The following TNRC6B variants were observed in gnomAD, a reference collection of about 807,000 sequenced individuals.
The protein encoded by TNRC6B is trinucleotide repeat containing adaptor 6B, also known as trinucleotide repeat-containing gene 6B protein.
In TNRC6B, 52 loss-of-function variants were observed where a neutral mutation model predicts 203.6. That is an observed-to-expected ratio of 0.26 (90% confidence interval 0.20 to 0.32). The LOEUF (loss-of-function observed/expected upper bound fraction) is 0.32. TNRC6B is among the 10% of genes least tolerant of loss of function. The pLI is 1.00. For synonymous variants in TNRC6B, 838 were observed against 845.7 expected, an observed-to-expected ratio of 0.99 and a Z score of 0.16; for missense variants, 1,923 against 2,286.2, an observed-to-expected ratio of 0.84 and a Z score of 3.24.
At chr22:40,161,143 G>A (rs534319179) in intron 4 of TNRC6B, among the ~76,000 whole-genome samples, 3 of 152,174 alleles carry the variant, frequency 2.0e-5, no homozygotes, top group Admixed American at 2.0e-4. Context: ...AGCAAAATCA[G>A]CCTTTCTGGC....
chr22:40,197,210 A>G (rs892457138), intron 1 of TNRC6B, among the ~76,000 whole-genome samples: 2 of 152,106 alleles, frequency 1.3e-5, no homozygotes, highest in African/African-American at 4.8e-5. Context: ...CAACAGGAGA[A>G]TGAGACTGTG....
At chr22:40,264,636 T>TGAATTGA (rs1266550096) in intron 4 of TNRC6B, 52 bp from the exon 5 acceptor site, 1 of 1,521,982 alleles carries the variant, frequency 6.6e-7, no homozygotes, top group Non-Finnish European at 8.8e-7. Flanking sequence ...GAGGGATTAA[T>TGAATTGA]GGGTAATGAA....
chr22:40,225,962 G>A (rs1280690829), intron 1 of TNRC6B, among the ~76,000 whole-genome samples: 1 of 152,124 alleles, frequency 6.6e-6, no homozygotes, highest in African/African-American at 2.4e-5. Context: ...TTAAACACAG[G>A]TAAATGTTGG....
chr22:40,171,847 A>G (rs569750248), intron 4 of TNRC6B, among the ~76,000 whole-genome samples: 1 of 151,946 alleles, frequency 6.6e-6, no homozygotes, highest in Non-Finnish European at 1.5e-5. Flanking sequence ...TTGACCACTC[A>G]AACATTTGCT....
At chr22:40,165,071 C>T (rs1190689355) in intron 4 of TNRC6B, among the ~76,000 whole-genome samples, 5 of 150,628 alleles carry the variant, frequency 3.3e-5, no homozygotes, top group Admixed American at 6.6e-5. Flanking sequence ...TGTGAGCCAC[C>T]GCACCCACCC....
At position 40,266,322 on chromosome 22, in the gene TNRC6B, T is replaced by G; in HGVS notation, c.2092T>G (p.Trp698Gly). 3 of 1,601,300 alleles carry G rather than the reference T, an allele frequency of 1.9e-6. No individual in the cohort carries two copies. Among genetic ancestry groups the G allele is most frequent in the Middle Eastern group, 3.3e-4 (2 of 6,046 alleles). Reference protein sequence around the residue: ...EWKDPKNTGGWNDYKNNNSSN... With the variant: ...EWKDPKNTGGGNDYKNNNSSN... ...GAAAGACCCCAAGAACACAGGAGGCTGGAATGACTACAAGAACAACAACTC... is the reference window on the plus strand; with the variant it reads ...GAAAGACCCCAAGAACACAGGAGGCGGGAATGACTACAAGAACAACAACTC... The change falls in exon 5 of 23, where the codon TGG (tryptophan) becomes GGG (glycine). Residue 698 changes from tryptophan to glycine, a missense_variant. By Grantham distance (184) the Trp-to-Gly change is radical. Coordinates refer to ENST00000454349, the MANE Select transcript of TNRC6B (RefSeq NM_001162501.2).
At chr22:40,314,177 A>G (rs983838246) in intron 19 of TNRC6B, among the ~76,000 whole-genome samples, 2 of 152,104 alleles carry the variant, frequency 1.3e-5, no homozygotes, top group Non-Finnish European at 2.9e-5. Flanking sequence ...AACTGAACCT[A>G]TACTTCCCCA....
chr22:40,178,164 T>G, intron 1 of TNRC6B, 24 bp downstream of exon 1: 4 of 1,613,348 alleles, frequency 2.5e-6, no homozygotes, highest in South Asian at 1.1e-5. Context: ...TTCAATTTTT[T>G]TTAACCAATT....
chr22:40,137,705 C>A (rs762429578), intron 3 of TNRC6B, among the ~76,000 whole-genome samples: 1 of 152,098 alleles, frequency 6.6e-6, no homozygotes, highest in Non-Finnish European at 1.5e-5. Flanking sequence ...ATGGACCTGC[C>A]GGGCCTGGTG....
At chr22:40,192,355 T>A (rs1456932993) in intron 1 of TNRC6B, among the ~76,000 whole-genome samples, 1 of 152,156 alleles carries the variant, frequency 6.6e-6, no homozygotes, top group Admixed American at 6.5e-5. Flanking sequence ...TGGTGGTTCA[T>A]GCCTGTAATC....
At chr22:40,316,835 A>G (rs915446461) in intron 21 of TNRC6B, among the ~76,000 whole-genome samples, 6 of 152,182 alleles carry the variant, frequency 3.9e-5, no homozygotes, top group African/African-American at 1.4e-4. Flanking sequence ...TACAAAAGTG[A>G]AAGTTAGTTT....
At chr22:40,125,721 AT>A (rs1330243065) in intron 2 of TNRC6B, 12 of 1,430,626 alleles carry the variant, frequency 8.4e-6, no homozygotes, top group Admixed American at 2.8e-5. Flanking sequence ...TGAAAAAAAA[AT>A]TTTTTTGCCC....
rs774878741 is a variant in TNRC6B, at chr22:40,277,060, G to A, written c.3142-17G>A. On this transcript the variant is annotated splice_polypyrimidine_tract_variant and intron_variant, in intron 7 of 22. Transcript: ENST00000454349. ...ATAAATTATTTGGTTCTGAGGTTCC[G>A]TGTTTCATTTCTGTAGTGCTCACTC... 16 of 1,560,882 alleles carry A rather than the reference G, an allele frequency of 1.0e-5. No homozygotes were observed. The Admixed American group carries it at 2.2e-4, about 21-fold the overall frequency.
chr22:40,226,322 A>AT lies in TNRC6B; in HGVS notation c.6-19686dup, dbSNP rs1159808683. On this transcript the variant is annotated intron_variant, in intron 1 of 22. Coordinates refer to ENST00000454349, the MANE Select transcript of TNRC6B (RefSeq NM_001162501.2). ...TCAGAGTTGATTTTCTTGTCTGCCG[A>AT]TTTTTTTCAATACCAAGATAAGTGT... is the stretch of plus-strand genomic sequence containing the variant. Among the ~76,000 whole-genome samples, 3 of 152,178 alleles carry AT rather than the reference A, an allele frequency of 2.0e-5. No individual in the cohort carries two copies. The East Asian group carries it at 5.8e-4, about 29-fold the overall frequency.
Position 40,285,787 on chromosome 22 carries a change from T to G in TNRC6B, c.3708+17T>G. 1 of 1,610,912 alleles carries G rather than the reference T, an allele frequency of 6.2e-7. No individual in the cohort carries two copies. Among genetic ancestry groups the G allele is most frequent in the Non-Finnish European group, 8.5e-7 (1 of 1,178,938 alleles). ...TCCCCCCAGGTAAGCAATTTTACGT[T>G]CCTGTGATTCAAAATGAAAGACCAT... On this transcript the variant is annotated intron_variant, in intron 12 of 22. Coordinates refer to ENST00000454349, the MANE Select transcript of TNRC6B (RefSeq NM_001162501.2).
chr22:40,159,039 T>C (rs2068846311), intron 4 of TNRC6B, among the ~76,000 whole-genome samples: 1 of 151,846 alleles, frequency 6.6e-6, no homozygotes, highest in Non-Finnish European at 1.5e-5. Flanking sequence ...CTCGGCTCAC[T>C]GCAAGCTCCG....
At chr22:40,095,725 C>T (rs936920528) in intron 1 of TNRC6B, among the ~76,000 whole-genome samples, 1 of 150,216 alleles carries the variant, frequency 6.7e-6, no homozygotes, top group African/African-American at 2.5e-5. Context: ...CTCACTTGCC[C>T]CTTTATTATA....
At chr22:40,119,279 A>C (rs1336912023) in intron 2 of TNRC6B, among the ~76,000 whole-genome samples, 1 of 152,140 alleles carries the variant, frequency 6.6e-6, no homozygotes, top group Non-Finnish European at 1.5e-5. Flanking sequence ...GATGTGCAAA[A>C]ACAGAAATTA....
intron 3 of TNRC6B, among the ~76,000 whole-genome samples, chr22:40,135,914 A>G (rs183422129): frequency 6.6e-6 from 1 of 152,198 alleles, no homozygotes; most frequent in Admixed American, 6.5e-5. Flanking sequence ...GAATATCTGT[A>G]TCTTTACATT....
Sources: allele counts gnomAD v4.1 joint callset (sites outside exome capture counted in the v4.1 genomes callset), GRCh38; gene constraint gnomAD v4.1.1; transcripts MANE v1.5; gene names NCBI Gene and HGNC (gene_info 2026-07-23, HGNC 2026-07-21).